OGA: variants seen among roughly 807,000 people sequenced by gnomAD.
OGA encodes protein O-GlcNAcase.
Under a neutral mutation model 102.0 loss-of-function variants are expected in OGA, and 21 were observed. The observed-to-expected ratio is 0.21, with a 90% confidence interval of 0.15 to 0.30. The LOEUF (loss-of-function observed/expected upper bound fraction) is 0.30. Among genes scored for constraint, OGA ranks in the 10% least tolerant of loss-of-function variants. OGA has a pLI of 1.00. For missense variants in OGA, 765 were observed against 1,107.8 expected (o/e 0.69, Z 4.39); for synonymous variants, 408 against 378.2 (o/e 1.08, Z -0.91).
At chr10:101,806,369 A>AT (rs2065474732) in intron 5 of OGA, among the ~76,000 whole-genome samples, 2 of 151,572 alleles carry the variant, frequency 1.3e-5, no homozygotes, top group East Asian at 3.9e-4. Flanking sequence ...CGCCCGGCTA[A>AT]TTTTTTTTTG....
In OGA at chr10:101,786,407, G is replaced by A. The variant is rs750651719; in HGVS notation, c.*44C>T. On this transcript the variant is annotated 3_prime_UTR_variant, in exon 16 of 16. Coordinates refer to ENST00000361464, the MANE Select transcript of OGA (RefSeq NM_012215.5). Reference sequence around the variant, plus strand: ...GAAGACCTCAACTACCATTCACAAGGTGCAGTTAAGAGACTTTTGGACAGT... The same window carrying A: ...GAAGACCTCAACTACCATTCACAAGATGCAGTTAAGAGACTTTTGGACAGT... 3 of 1,527,998 alleles carry A rather than the reference G, an allele frequency of 2.0e-6. No individual in the cohort carries two copies. The highest frequency in any genetic ancestry group is 2.6e-6 in the Non-Finnish European group (3 of 1,139,918). 94.7% of individuals were successfully genotyped at this position (1,527,998 alleles called of 1,614,324 possible).
intron 8 of OGA, among the ~76,000 whole-genome samples, chr10:101,799,877 G>A (rs1424388451): frequency 6.6e-6 from 1 of 152,042 alleles, no homozygotes; most frequent in Non-Finnish European, 1.5e-5. Flanking sequence ...GCACATGACA[G>A]TGTTCTTTTT....
chr10:101,791,597 A>G (rs1410277584), intron 12 of OGA, 158 bp from the exon 13 acceptor site: 6 of 611,554 alleles, frequency 9.8e-6, no homozygotes, highest in African/African-American at 5.5e-5. Flanking sequence ...AGATTTATTC[A>G]TTGAGTCAGA....
intron 14 of OGA, among the ~76,000 whole-genome samples, chr10:101,790,265 GTTTTTTTTTTTTTT>G (rs869235919): frequency 6.9e-5 from 6 of 86,428 alleles, no homozygotes; most frequent in African/African-American, 2.8e-4. Flanking sequence ...ATAATATCTT[GTTTTTTTTTTTTTT>G]TTTTTTTTTT....
rs750865074 is a variant in OGA, at chr10:101,807,923, GAATC to G, written c.481-26_481-23del. The G allele has an allele frequency of 3.3e-4, 457 of 1,366,130 alleles. 1 individual carries two copies. The highest frequency in any genetic ancestry group is 4.1e-4 in the Non-Finnish European group (422 of 1,029,282). 84.6% of individuals were successfully genotyped at this position (1,366,130 alleles called of 1,614,324 possible). ...AAACCTAGGAGAAAAAAAAAAAAAA[GAATC>G]AAGAGTAAAAAAATTAAGAATTCCA... On this transcript the variant is annotated intron_variant, in intron 4 of 15. Coordinates refer to ENST00000361464, the MANE Select transcript of OGA (RefSeq NM_012215.5).
intron 15 of OGA, among the ~76,000 whole-genome samples, 178 bp from the exon 16 acceptor site, chr10:101,786,765 G>A (rs977771517): frequency 6.6e-6 from 1 of 152,200 alleles, no homozygotes; most frequent in Non-Finnish European, 1.5e-5. Flanking sequence ...TGAGTGGCGT[G>A]AGCCACTGCA....
chr10:101,791,052 G>A lies in OGA; in HGVS notation c.2298C>T (p.Tyr766=). The A allele has an allele frequency of 1.9e-6, 3 of 1,612,784 alleles. No individual in the cohort carries two copies. The highest frequency in any genetic ancestry group is 2.5e-6 in the Non-Finnish European group (3 of 1,179,662). ...VGGLLSLSLD[Y]CFVLEDEDGI... ...CATCTTCATCTTCTAGGACAAAGCA[G>A]TAATCCAGGCTGAGGGAAAGCAGCC... The change falls in exon 14 of 16, where the codon TAC becomes TAT. Residue 766 remains tyrosine, a synonymous_variant. Coordinates refer to ENST00000361464, the MANE Select transcript of OGA (RefSeq NM_012215.5).
At chr10:101,807,263 G>C (rs1211037203) in intron 5 of OGA, among the ~76,000 whole-genome samples, 1 of 152,168 alleles carries the variant, frequency 6.6e-6, no homozygotes, top group Admixed American at 6.5e-5. Flanking sequence ...AAAGAAACCA[G>C]AGGGGCAAAA....
At chr10:101,807,348 G>C (rs992141664) in intron 5 of OGA, among the ~76,000 whole-genome samples, 3 of 152,148 alleles carry the variant, frequency 2.0e-5, no homozygotes, top group Non-Finnish European at 2.9e-5. Context: ...GGGAGTGGGA[G>C]GAGTGCAAAA....
chr10:101,817,244 A>G (rs1226041412), intron 1 of OGA, among the ~76,000 whole-genome samples: 1 of 152,254 alleles, frequency 6.6e-6, no homozygotes, highest in Non-Finnish European at 1.5e-5. Flanking sequence ...GATTAAAGCC[A>G]AAGTTTCATC....
chr10:101,787,780 CTTT>C, intron 14 of OGA: 1 of 368,146 alleles, frequency 2.7e-6, no homozygotes, highest in Non-Finnish European at 5.1e-6. Context: ...CTCTCTCTCT[CTTT>C]CCCTATTTAT....
In OGA at chr10:101,799,046, CTTGT is replaced by C; in HGVS notation, c.1601_1604del (p.Asn534ArgfsTer19). 6.2e-7 allele frequency: 1 copy of C among 1,614,162 alleles called. No individual in the cohort carries two copies. Among genetic ancestry groups the C allele is most frequent in the Non-Finnish European group, 8.5e-7 (1 of 1,180,008 alleles). On this transcript the variant is annotated frameshift_variant, in exon 9 of 16. Transcript: ENST00000361464. LOFTEE classifies it high-confidence loss of function. Reference sequence around the variant, plus strand: ...CATTTGGACCTGGCACAAACTGCTCCTTGTTTGTCTGTTCATCAGTTTGCATGGG... The same window carrying C: ...CATTTGGACCTGGCACAAACTGCTCCTTGTCTGTTCATCAGTTTGCATGGG...
intron 4 of OGA, 114 bp downstream of exon 4, chr10:101,810,070 A>C (rs2065532633): frequency 8.9e-7 from 1 of 1,123,062 alleles, no homozygotes; most frequent in South Asian, 1.7e-5. Flanking sequence ...ACAAACAAAA[A>C]AAGAAAACAA....
rs1225066402 is a variant in OGA, at chr10:101,799,445, A to C, written c.1206T>G (p.Val402=). The C allele has an allele frequency of 6.2e-6, 10 of 1,608,450 alleles. No homozygotes were observed. The highest frequency in any genetic ancestry group is 8.5e-7 in the Non-Finnish European group (1 of 1,177,138). ...CACTTGCTTTAGCTCCACTGTGTGC[A>C]ACTTGCCTACCTACAAAAATAAATA... The part of the protein sequence containing the change: ...GVPHQYSSRQ[V]AHSGAKASVV... Residue 402 remains valine (V), a synonymous_variant, in exon 9 of 16, where the codon GTT becomes GTG. Transcript: ENST00000361464.
intron 14 of OGA, among the ~76,000 whole-genome samples, chr10:101,788,236 G>A (rs1022807693): frequency 2.0e-5 from 3 of 150,250 alleles, no homozygotes; most frequent in African/African-American, 4.9e-5. Context: ...TCAGGAGTTT[G>A]TGACCAGCCT....
intron 1 of OGA, among the ~76,000 whole-genome samples, chr10:101,815,095 TAA>T (rs2065604946): frequency 1.3e-5 from 2 of 152,084 alleles, no homozygotes; most frequent in African/African-American, 4.8e-5. Flanking sequence ...ACAATCTACA[TAA>T]GAGACTAGTC....
At chr10:101,793,680 G>C in intron 11 of OGA, 1 of 426,490 alleles carries the variant, frequency 2.3e-6, no homozygotes, top group Non-Finnish European at 4.3e-6. Context: ...AATGTGAAGT[G>C]TATACCTAGA....
At chr10:101,793,635 C>T (rs2065283203) in intron 11 of OGA, 2 of 278,432 alleles carry the variant, frequency 7.2e-6, no homozygotes, top group African/African-American at 2.2e-5. Flanking sequence ...GCATTGCGGG[C>T]GCAGATTAAA....
intron 1 of OGA, among the ~76,000 whole-genome samples, chr10:101,815,334 AG>A (rs1170738754): frequency 6.6e-6 from 1 of 151,672 alleles, no homozygotes; most frequent in Non-Finnish European, 1.5e-5. Flanking sequence ...GCTGGAGTGC[AG>A]TGGCACTATC....
Sources: allele counts gnomAD v4.1 joint callset (sites outside exome capture counted in the v4.1 genomes callset), GRCh38; gene constraint gnomAD v4.1.1; transcripts MANE v1.5; gene names NCBI Gene and HGNC (gene_info 2026-07-23, HGNC 2026-07-21).